ZNF385D: variants seen among roughly 807,000 people sequenced by gnomAD.
ZNF385D encodes zinc finger protein 659.
In ZNF385D, 15 loss-of-function variants were observed where a neutral mutation model predicts 35.8. That is an observed-to-expected ratio of 0.42 (90% CI 0.28 to 0.64). The LOEUF (loss-of-function observed/expected upper bound fraction) is 0.64, where lower values mean the gene tolerates loss of function less well. Ranked by LOEUF, ZNF385D falls within the 30% of genes least tolerant of loss-of-function variation. ZNF385D has a pLI of 0.23. For synonymous variants in ZNF385D, 212 were observed against 186.8 expected (o/e 1.13, Z -1.10); for missense variants, 474 against 494.6 (o/e 0.96, Z 0.39).
intron 2 of ZNF385D, among the ~76,000 whole-genome samples, chr3:22,271,605 C>T (rs1701181060): frequency 1.3e-5 from 2 of 151,896 alleles, no homozygotes; most frequent in Admixed American, 6.6e-5. Flanking sequence ...ACTCCATGTT[C>T]TTTTGTGTTT....
At chr3:22,178,978 G>C (rs1210424672) in intron 2 of ZNF385D, among the ~76,000 whole-genome samples, 1 of 151,960 alleles carries the variant, frequency 6.6e-6, no homozygotes, top group Non-Finnish European at 1.5e-5. Context: ...TGCTGTTTTG[G>C]TTACAGTAGC....
At chr3:21,690,734 T>A (rs2067255620) in intron 1 of ZNF385D, among the ~76,000 whole-genome samples, 1 of 152,174 alleles carries the variant, frequency 6.6e-6, no homozygotes, top group Non-Finnish European at 1.5e-5. Flanking sequence ...TCGTGTTAGA[T>A]ATTCAAATTC....
rs532612346 is a variant in ZNF385D at position 21,979,861 on chromosome 3, G to C, written c.325+188956C>G. On this transcript the variant is annotated intron_variant, in intron 3 of 5. Coordinates refer to the ZNF385D transcript ENST00000494108. ...AGCATTAGTCACGTATGTTTGCATA[G>C]AGAGTAACTATTGCTGTTGTGGTGG... 5.9e-5 allele frequency: 9 copies of C among 152,276 alleles called. No individual in the cohort carries two copies. In the East Asian group the frequency reaches 1.7e-3, roughly 29 times the overall value. 9.4% of individuals were successfully genotyped at this position (152,276 alleles called of 1,614,324 possible).
At chr3:21,628,709 T>A (rs189586180) in intron 2 of ZNF385D, among the ~76,000 whole-genome samples, 1 of 152,190 alleles carries the variant, frequency 6.6e-6, no homozygotes, top group East Asian at 1.9e-4. Flanking sequence ...AAATTCTGGC[T>A]TGGTAAGTCT....
chr3:21,516,224 C>T (rs772606715), intron 3 of ZNF385D, among the ~76,000 whole-genome samples: 1 of 152,170 alleles, frequency 6.6e-6, no homozygotes, highest in Non-Finnish European at 1.5e-5. Context: ...ACATGTCCAG[C>T]CTTATGTTAA....
chr3:22,008,360 C>CA lies in ZNF385D; in HGVS notation c.325+160456_325+160457insT, dbSNP rs773952386. Among the ~76,000 whole-genome samples the CA allele has an allele frequency of 5.5e-3, 725 of 131,920 alleles. 45 individuals carry two copies. The highest frequency in any genetic ancestry group is 0.019 in the African/African-American group (635 of 33,118). 86.5% of individuals were successfully genotyped at this position (131,920 alleles called of 152,430 possible). On this transcript the variant is annotated intron_variant, in intron 3 of 5. Coordinates refer to the ZNF385D transcript ENST00000494108. ...TCACTTTCATACAGGCCATGATTTT[C>CA]TTTTTTTTTTTTGAGGCGGAGTCTC...
At chr3:22,203,255 A>G (rs891545022) in intron 2 of ZNF385D, among the ~76,000 whole-genome samples, 2 of 152,044 alleles carry the variant, frequency 1.3e-5, no homozygotes, top group African/African-American at 2.4e-5. Flanking sequence ...TCTAGGGCCT[A>G]CCTCCCAGCT....
At chr3:22,259,321 A>G (rs571367297) in intron 2 of ZNF385D, among the ~76,000 whole-genome samples, 2 of 152,070 alleles carry the variant, frequency 1.3e-5, no homozygotes, top group Non-Finnish European at 2.9e-5. Context: ...CCAAAATTCT[A>G]ATTTTTGCAT....
chr3:21,888,317 G>A (rs1299148116), intron 3 of ZNF385D, among the ~76,000 whole-genome samples: 2 of 152,072 alleles, frequency 1.3e-5, no homozygotes, highest in Non-Finnish European at 2.9e-5. Flanking sequence ...TGCAAAGAGA[G>A]AAAGTAAAAA....
At chr3:22,065,593 A>C (rs1469100654) in intron 3 of ZNF385D, among the ~76,000 whole-genome samples, 1 of 152,130 alleles carries the variant, frequency 6.6e-6, no homozygotes, top group East Asian at 1.9e-4. Context: ...GCATGGTGAA[A>C]AGATCAATTT....
chr3:21,838,202 A>G (rs1695446398), intron 3 of ZNF385D, among the ~76,000 whole-genome samples: 1 of 152,084 alleles, frequency 6.6e-6, no homozygotes, highest in Non-Finnish European at 1.5e-5. Flanking sequence ...TCATTTTGGT[A>G]ATATGGAAAA....
intron 2 of ZNF385D, among the ~76,000 whole-genome samples, chr3:22,251,225 C>A (rs548325939): frequency 6.6e-6 from 1 of 152,260 alleles, no homozygotes; most frequent in East Asian, 1.9e-4. Flanking sequence ...AATCCGTTTA[C>A]ATGAGTGCTT....
In ZNF385D at chr3:22,210,399, C is replaced by T. The variant is rs569707019; in HGVS notation, c.107-41364G>A. ...AACCACAGGTGAGTTGAGAATTAGGCAAGTATAATTTTATTTAACACGAAT... is the reference window on the plus strand; with the variant it reads ...AACCACAGGTGAGTTGAGAATTAGGTAAGTATAATTTTATTTAACACGAAT... On this transcript the variant is annotated intron_variant, in intron 2 of 5. Transcript: ENST00000494108. Among the ~76,000 whole-genome samples the T allele has an allele frequency of 3.3e-5, 5 of 151,836 alleles. No homozygotes were observed. The South Asian group carries it at 8.3e-4, about 25-fold the overall frequency.
intron 3 of ZNF385D, among the ~76,000 whole-genome samples, chr3:21,762,135 C>T (rs2125588227): frequency 6.6e-6 from 1 of 152,144 alleles, no homozygotes; most frequent in East Asian, 1.9e-4. Context: ...CCTCAGCCTC[C>T]TAAAGTGCTG....
intron 1 of ZNF385D, among the ~76,000 whole-genome samples, chr3:21,704,657 C>T (rs1224481598): frequency 6.6e-6 from 1 of 151,896 alleles, no homozygotes; most frequent in African/African-American, 2.4e-5. Flanking sequence ...TACAGGCATG[C>T]ACCACCAGGC....
intron 1 of ZNF385D, among the ~76,000 whole-genome samples, chr3:21,708,384 A>C (rs774297314): frequency 1.3e-5 from 2 of 152,198 alleles, no homozygotes; most frequent in Non-Finnish European, 2.9e-5. Flanking sequence ...AAGATGGCAC[A>C]GCTCTTAAGC....
intron 3 of ZNF385D, among the ~76,000 whole-genome samples, chr3:22,118,617 G>A (rs1184724264): frequency 6.6e-6 from 1 of 151,824 alleles, no homozygotes; most frequent in South Asian, 2.1e-4. Context: ...AATGATATCG[G>A]TAAGAGGTTA....
At chr3:21,749,856 T>G (rs2069972992) in intron 1 of ZNF385D, among the ~76,000 whole-genome samples, 1 of 152,202 alleles carries the variant, frequency 6.6e-6, no homozygotes, top group South Asian at 2.1e-4. Flanking sequence ...AACAAACTAA[T>G]AGTGCCCCAA....
intron 3 of ZNF385D, among the ~76,000 whole-genome samples, chr3:21,874,585 C>T (rs1697866691): frequency 6.6e-6 from 1 of 151,968 alleles, no homozygotes; most frequent in Non-Finnish European, 1.5e-5. Flanking sequence ...AAAATGGCAC[C>T]ATACTCTTTT....
Sources: allele counts gnomAD v4.1 joint callset (sites outside exome capture counted in the v4.1 genomes callset), GRCh38; gene constraint gnomAD v4.1.1; transcripts MANE v1.5; gene names NCBI Gene and HGNC (gene_info 2026-07-23, HGNC 2026-07-21).